RECQL5: variants seen among roughly 807,000 people sequenced by gnomAD.
RECQL5 encodes RecQ like helicase 5, also known as ATP-dependent DNA helicase Q5.
Under a neutral mutation model 103.4 loss-of-function variants are expected in RECQL5, and 88 were observed. The ratio of observed to expected loss-of-function variants is 0.85; its 90% CI spans 0.72 to 1.02. The LOEUF is 1.02. RECQL5 is among the 50% of genes least tolerant of loss of function. The probability of loss-of-function intolerance (pLI) is 0.00; values close to 1 mark genes in which losing one functional copy is unlikely to be tolerated. For synonymous variants in RECQL5, 552 were observed against 507.9 expected, an observed-to-expected ratio of 1.09 and a Z score of -1.17; for missense variants, 1,232 against 1,284.3, an observed-to-expected ratio of 0.96 and a Z score of 0.62.
At chr17:75,631,725 G>A in intron 8 of RECQL5, 57 bp from the exon 9 acceptor site, 1 of 1,571,558 alleles carries the variant, frequency 6.4e-7, no homozygotes. Context: ...GCCAGCGTCT[G>A]TTCACCCGAG....
chr17:75,660,869 T>A, intron 6 of RECQL5, 86 bp downstream of exon 6: 1 of 968,812 alleles, frequency 1.0e-6, no homozygotes, highest in Non-Finnish European at 1.7e-6. Context: ...AAGGAGCACA[T>A]GCACCTGGTC....
At chr17:75,652,309 G>C (rs2059565771) in intron 7 of RECQL5, 1 of 152,300 alleles carries the variant, frequency 6.6e-6, no homozygotes, top group Admixed American at 6.5e-5. Flanking sequence ...GCAGCTGCCA[G>C]CTACACCAGG....
At chr17:75,658,276 C>A (rs911293325) in intron 7 of RECQL5, 22 bp downstream of exon 7, 2 of 1,608,432 alleles carry the variant, frequency 1.2e-6, no homozygotes, top group African/African-American at 1.3e-5. Flanking sequence ...GACTGAAAGA[C>A]CTTCTACTGC....
chr17:75,661,460 G>C (rs979316817), intron 5 of RECQL5, 146 bp downstream of exon 5: 2 of 641,662 alleles, frequency 3.1e-6, no homozygotes, highest in African/African-American at 3.7e-5. Context: ...ACTCCTTTTA[G>C]GGGATTTAAG....
intron 3 of RECQL5, 95 bp from the exon 4 acceptor site, chr17:75,663,092 C>T: frequency 8.5e-7 from 1 of 1,169,732 alleles, no homozygotes; most frequent in Non-Finnish European, 1.2e-6. Context: ...AACTGTCCTC[C>T]TCCCACCCTC....
rs149940894 is a variant in RECQL5, at chr17:75,661,813, C to T, written c.772-105G>A. ...AGAAGCTCTGTGTTCCTTCTCTCGT[C>T]GGCTTCAGTCTCTTCTGAGGCAGGA... On this transcript the variant is annotated intron_variant, in intron 4 of 19. Coordinates refer to ENST00000317905, the MANE Select transcript of RECQL5 (RefSeq NM_004259.7). The T allele has an allele frequency of 1.2e-3, 929 of 781,856 alleles. 10 individuals are homozygous for T. In the African/African-American group the frequency reaches 0.014, roughly 12 times the overall value. The allele number at this position is 781,856 out of a possible 1,614,324, so 48.4% of individuals were successfully genotyped here.
At position 75,627,254 on chromosome 17, in the gene RECQL5, C is replaced by T. The variant is rs985009104; in HGVS notation, c.*168G>A. The T allele has an allele frequency of 1.4e-6, 1 of 693,550 alleles. No homozygotes were observed. The highest frequency in any genetic ancestry group is 2.6e-5 in the East Asian group (1 of 38,506). 43.0% of individuals were successfully genotyped at this position (693,550 alleles called of 1,614,324 possible). A position where few individuals can be genotyped will look rare whatever the true frequency, so the allele number is the denominator to read the frequency against. On this transcript the variant is annotated 3_prime_UTR_variant, in exon 20 of 20. Coordinates refer to ENST00000317905, the MANE Select transcript of RECQL5 (RefSeq NM_004259.7). ...GCAAGCAGAAAGAAAGGTGGGCTGA[C>T]CTCTGACCTGGATTCAGGGGGTGTC... is the stretch of plus-strand genomic sequence containing the variant.
intron 8 of RECQL5, chr17:75,650,477 G>T: frequency 7.2e-7 from 1 of 1,386,050 alleles, no homozygotes; most frequent in Non-Finnish European, 9.4e-7. Context: ...TCTACCATGA[G>T]CTTCGTGACT....
intron 3 of RECQL5, among the ~76,000 whole-genome samples, chr17:75,664,277 A>G (rs1427362181): frequency 6.6e-6 from 1 of 152,172 alleles, no homozygotes; most frequent in Non-Finnish European, 1.5e-5. Flanking sequence ...GCAGATGTTA[A>G]TAAGGTCCCA....
chr17:75,662,448 C>T (rs762850689), intron 4 of RECQL5, 31 bp downstream of exon 4: 11 of 1,600,940 alleles, frequency 6.9e-6, no homozygotes, highest in Non-Finnish European at 9.4e-6. Flanking sequence ...ACTGCTCTAA[C>T]AGCTGCTTGG....
At position 75,660,886 on chromosome 17, in the gene RECQL5, G is replaced by A. The variant is rs78624708; in HGVS notation, c.986+69C>T. 1,944 of 1,156,746 alleles carry A rather than the reference G, an allele frequency of 1.7e-3. 27 individuals carry two copies. The African/African-American group carries it at 0.026, about 16-fold the overall frequency. The allele number at this position is 1,156,746 out of a possible 1,614,324, so 71.7% of individuals were successfully genotyped here. The stretch of plus-strand genomic sequence containing the variant: ...GGAGCACATGCACCTGGTCCTTTGG[G>A]CACAGCACTAGGCAATCCACCCTGA... On this transcript the variant is annotated intron_variant, in intron 6 of 19. Coordinates refer to ENST00000317905, the MANE Select transcript of RECQL5 (RefSeq NM_004259.7).
chr17:75,647,835 G>A (rs1254021745), intron 8 of RECQL5: 3 of 380,946 alleles, frequency 7.9e-6, no homozygotes, highest in Non-Finnish European at 9.9e-6. Context: ...ACATGGAGAG[G>A]ATGGCTCCAC....
intron 7 of RECQL5, chr17:75,652,310 C>G (rs2059565811): frequency 6.6e-6 from 1 of 152,308 alleles, no homozygotes; most frequent in African/African-American, 2.4e-5. Flanking sequence ...CAGCTGCCAG[C>G]TACACCAGGA....
Position 75,630,271 on chromosome 17 carries a change from G to T in RECQL5, c.1725C>A (p.Asp575Glu). ...CCAGCTCCACGGCCTTGGCCCGGAG[G>T]TCAGCTCTGTGGGTGCAAGGTAACA... ...RQSTRTADEA[D>E]LRAKAVELEH... Residue 575 changes from aspartate to glutamate, a missense_variant, in exon 14 of 20, where the codon GAC becomes GAA. Transcript: ENST00000317905. The T allele has an allele frequency of 3.9e-6, 6 of 1,556,984 alleles. No individual in the cohort carries two copies. The highest frequency in any genetic ancestry group is 5.2e-6 in the Non-Finnish European group (6 of 1,149,608).
chr17:75,634,307 T>G, intron 8 of RECQL5: 38 of 963,576 alleles, frequency 3.9e-5, no homozygotes, highest in South Asian at 1.9e-4. Context: ...CGGAGAGGTC[T>G]TCGGGGACAT....
intron 6 of RECQL5, among the ~76,000 whole-genome samples, chr17:75,659,061 T>TTTTTA (rs1046899782): frequency 6.6e-6 from 1 of 152,086 alleles, no homozygotes; most frequent in Non-Finnish European, 1.5e-5. Context: ...TTTTGCTTGT[T>TTTTTA]TTTTATTTTA....
In RECQL5 at chr17:75,640,952, C is replaced by G. The variant is rs1321372124; in HGVS notation, c.1230-9284G>C. ...AGAGGAGATGGCCAATGCCATGACA[C>G]AGGCCATCAGCCTGGCCCTGCAGCC... On this transcript the variant is annotated intron_variant, in intron 8 of 19. Coordinates refer to ENST00000317905, the MANE Select transcript of RECQL5 (RefSeq NM_004259.7). This position sits in a 1 kb window ranked among gnomAD's most constrained non-coding sequence, Gnocchi z 4.6. 3.3e-6 allele frequency: 5 copies of G among 1,528,888 alleles called. No homozygotes were observed. In the East Asian group the frequency reaches 1.2e-4, roughly 38 times the overall value. 94.7% of individuals were successfully genotyped at this position (1,528,888 alleles called of 1,614,324 possible). A position where few individuals can be genotyped will look rare whatever the true frequency, so the allele number is the denominator to read the frequency against.
chr17:75,653,792 G>A (rs1186257850), intron 7 of RECQL5, among the ~76,000 whole-genome samples: 1 of 152,094 alleles, frequency 6.6e-6, no homozygotes, highest in Admixed American at 6.6e-5. Flanking sequence ...CAGTTACTTG[G>A]GGGGCTGAGG....
rs1599019320 is a variant in RECQL5, at chr17:75,640,730, G to A, written c.1230-9062C>T. 1 of 1,526,306 alleles carries A rather than the reference G, an allele frequency of 6.6e-7. No homozygotes were observed. The highest frequency in any genetic ancestry group is 2.5e-5 in the East Asian group (1 of 40,312). The allele number at this position is 1,526,306 out of a possible 1,614,324, so 94.5% of individuals were successfully genotyped here. On this transcript the variant is annotated intron_variant, in intron 8 of 19. Coordinates refer to ENST00000317905, the MANE Select transcript of RECQL5 (RefSeq NM_004259.7). This position sits in a 1 kb window ranked among gnomAD's most constrained non-coding sequence, Gnocchi z 4.6. Reference sequence around the variant, plus strand: ...TGGCAGGCAGTGGGTTTCTCTGGGAGGAGGGTGGGCATCCTTTCTCTCCCC... The same window carrying A: ...TGGCAGGCAGTGGGTTTCTCTGGGAAGAGGGTGGGCATCCTTTCTCTCCCC...
Sources: gnomAD v4.1 joint callset for allele counts (sites outside exome capture counted in the v4.1 genomes callset) on GRCh38, gnomAD v4.1.1 for gene constraint, Gnocchi (gnomAD v3.1) non-coding constraint, MANE v1.5 for transcripts, NCBI Gene and HGNC (gene_info 2026-07-23, HGNC 2026-07-21) for gene names.